The following AHNAK variants were observed in gnomAD, a reference collection of about 807,000 sequenced individuals.
AHNAK encodes the protein AHNAK nucleoprotein.
Under a neutral mutation model 37.8 loss-of-function variants are expected in AHNAK, and 23 were observed. That is an observed-to-expected ratio of 0.61 (90% CI 0.44 to 0.86). The LOEUF is 0.86. Among genes scored for constraint, AHNAK ranks in the 40% least tolerant of loss-of-function variants. The pLI, the probability that AHNAK is intolerant of heterozygous loss-of-function variation, is 0.00. For synonymous variants in AHNAK, 2,481 were observed against 2,636.3 expected, an observed-to-expected ratio of 0.94 and a Z score of 1.80; for missense variants, 7,411 against 7,319.4, an observed-to-expected ratio of 1.01 and a Z score of -0.46.
intron 5 of AHNAK, among the ~76,000 whole-genome samples, chr11:62,468,358 GAA>G (rs67985309): frequency 0.14 from 20,941 of 148,384 alleles, 4,165 homozygotes; most frequent in African/African-American, 0.45. Context: ...CCAAAAAAAA[GAA>G]AAAAAAAAAA....
intron 5 of AHNAK, among the ~76,000 whole-genome samples, chr11:62,459,728 C>T (rs1202643116): frequency 6.6e-6 from 1 of 152,160 alleles, no homozygotes; most frequent in East Asian, 1.9e-4. Flanking sequence ...TCCTGCATGT[C>T]ACAGATGAAG....
chr11:62,516,054 A>C lies in AHNAK; in HGVS notation c.*690T>G. The C allele has an allele frequency of 1.7e-6, 2 of 1,198,400 alleles. No individual in the cohort carries two copies. The highest frequency in any genetic ancestry group is 2.1e-6 in the Non-Finnish European group (2 of 945,238). 74.2% of individuals were successfully genotyped at this position (1,198,400 alleles called of 1,614,324 possible). A position where few individuals can be genotyped will look rare whatever the true frequency, so the allele number is the denominator to read the frequency against. On this transcript the variant is annotated 3_prime_UTR_variant, in exon 5 of 5. Coordinates refer to ENST00000378024, the MANE Select transcript of AHNAK (RefSeq NM_001620.3). ...TAATATCAGGAACATGGCGGCATGAAGGAAACAGTTCCCTTACAAAACACA... is the reference window on the plus strand; with the variant it reads ...TAATATCAGGAACATGGCGGCATGACGGAAACAGTTCCCTTACAAAACACA...
chr11:62,518,492 G>T lies in AHNAK; in HGVS notation c.15925C>A (p.Pro5309Thr), dbSNP rs1940107953. ...GCATCCAGGTCTCCCTTCAAACTTG[G>T]TCCTTTCAAGTTCAGATCAAGGTCA... ...GPDLDLNLKG[P>T]SLKGDLDASV... is the part of the protein sequence containing the mutation. The change falls in exon 5 of 5, where the codon CCA (proline) becomes ACA (threonine). Residue 5309 changes from proline (P) to threonine (T), a missense_variant. Physicochemically the swap from Pro to Thr is conservative, Grantham distance 38 (BLOSUM62 -1). Transcript: ENST00000378024. The T allele has an allele frequency of 1.9e-6, 3 of 1,614,056 alleles. No individual in the cohort carries two copies. Among genetic ancestry groups the T allele is most frequent in the Non-Finnish European group, 2.5e-6 (3 of 1,180,002 alleles).
At chr11:62,482,688 TC>T (rs1939299118) in intron 5 of AHNAK, among the ~76,000 whole-genome samples, 1 of 152,086 alleles carries the variant, frequency 6.6e-6, no homozygotes, top group Non-Finnish European at 1.5e-5. Context: ...GAGCATGCCA[TC>T]CCTCCCTCAT....
chr11:62,486,038 A>AAG (rs1472025994), intron 5 of AHNAK, among the ~76,000 whole-genome samples: 3 of 150,508 alleles, frequency 2.0e-5, no homozygotes, highest in Non-Finnish European at 4.4e-5. Context: ...AAAAAAAAAA[A>AAG]AGAGAGAGAG....
chr11:62,522,446 T>A lies in AHNAK; in HGVS notation c.11971A>T (p.Met3991Leu). 6.2e-7 allele frequency: 1 copy of A among 1,613,718 alleles called. No homozygotes were observed. Among genetic ancestry groups the A allele is most frequent in the Non-Finnish European group, 8.5e-7 (1 of 1,179,938 alleles). Reference sequence around the variant, plus strand: ...GGGGCTTTGATGTTCATCTCTGGCATCTTGAATTTAGGGCCCTTCAGTTTC... The same window carrying A: ...GGGGCTTTGATGTTCATCTCTGGCAACTTGAATTTAGGGCCCTTCAGTTTC... The part of the protein sequence containing the change: ...DAKLKGPKFK[M>L]PEMNIKAPKI... The change falls in exon 5 of 5, where the codon ATG becomes TTG. Residue 3991 changes from methionine to leucine, a missense_variant. Transcript: ENST00000378024.
In AHNAK at chr11:62,519,938, C is replaced by T. The variant is rs775532180; in HGVS notation, c.14479G>A (p.Gly4827Ser). The T allele has an allele frequency of 1.9e-6, 3 of 1,613,474 alleles. No homozygotes were observed. Among genetic ancestry groups the T allele is most frequent in the South Asian group, 2.2e-5 (2 of 91,054 alleles). The change falls in exon 5 of 5, where the codon GGT becomes AGT. Residue 4827 changes from glycine (G) to serine (S), a missense_variant. By Grantham distance (56) the Gly-to-Ser change is moderately conservative. Transcript: ENST00000378024. Reference sequence around the variant, plus strand: ...GGGCCCTTCAGTTTTGCGTCTGGACCTTCGATATTCACATCTGGAATATCA... The same window carrying T: ...GGGCCCTTCAGTTTTGCGTCTGGACTTTCGATATTCACATCTGGAATATCA... ...DVDIPDVNIEGPDAKLKGPKF... is the reference protein window; with the variant it reads ...DVDIPDVNIESPDAKLKGPKF...
intron 5 of AHNAK, among the ~76,000 whole-genome samples, chr11:62,473,611 G>A (rs187908594): frequency 4.5e-4 from 69 of 152,014 alleles, no homozygotes; most frequent in Non-Finnish European, 8.2e-4. Flanking sequence ...CGTGAACCTG[G>A]GAGGCAGAGC....
downstream of AHNAK, among the ~76,000 whole-genome samples, chr11:62,514,494 T>A (rs1055240131): frequency 2.6e-5 from 4 of 152,198 alleles, no homozygotes; most frequent in African/African-American, 9.7e-5. Context: ...GGGGTTTCTG[T>A]AGAAGATGGG....
rs1243557718 is a variant in AHNAK at position 62,522,314 on chromosome 11, C to T, written c.12103G>A (p.Val4035Ile). The stretch of plus-strand genomic sequence containing the variant: ...TCCACTTTGGGGCCCTTGATGTCAA[C>T]TTCAGGGGCCTTTAGATCACCTTCC... ...KMEGDLKAPE[V>I]DIKGPKVDID... is the part of the protein sequence containing the mutation. The change falls in exon 5 of 5, where the codon GTT (valine) becomes ATT (isoleucine). Residue 4035 changes from valine to isoleucine, a missense_variant. Coordinates refer to ENST00000378024, the MANE Select transcript of AHNAK (RefSeq NM_001620.3). The T allele has an allele frequency of 1.2e-6, 2 of 1,610,396 alleles. No homozygotes were observed. Among genetic ancestry groups the T allele is most frequent in the South Asian group, 1.1e-5 (1 of 90,876 alleles).
intron 1 of AHNAK, among the ~76,000 whole-genome samples, chr11:62,539,225 C>A (rs1172169691): frequency 1.3e-5 from 2 of 152,220 alleles, no homozygotes; most frequent in African/African-American, 4.8e-5. Flanking sequence ...GCCAGCCCTG[C>A]AGAAAAGCAG....
intron 4 of AHNAK, among the ~76,000 whole-genome samples, chr11:62,498,249 C>A (rs1939648155): frequency 6.6e-6 from 1 of 151,932 alleles, no homozygotes; most frequent in Non-Finnish European, 1.5e-5. Context: ...ACAGACTTGT[C>A]CAAATGCATT....
chr11:62,520,171 T>C lies in AHNAK; in HGVS notation c.14246A>G (p.Asp4749Gly). Residue 4749 changes from aspartate to glycine, a missense_variant, in exon 5 of 5, where the codon GAC becomes GGC. By Grantham distance (94) the Asp-to-Gly change is moderately conservative. Transcript: ENST00000378024. ...VDVTLPKVEG[D>G]LKGPEADIKG... ...GATGTCAGCTTCTGGGCCCTTGAGG[T>C]CACCTTCCACTTTAGGAAGGGTAAC... is the stretch of plus-strand genomic sequence containing the variant. The C allele has an allele frequency of 1.2e-6, 2 of 1,613,628 alleles. No homozygotes were observed. Among genetic ancestry groups the C allele is most frequent in the Non-Finnish European group, 1.7e-6 (2 of 1,179,928 alleles).
At chr11:62,449,684 G>C (rs141185552) in intron 5 of AHNAK, among the ~76,000 whole-genome samples, 1 of 152,314 alleles carries the variant, frequency 6.6e-6, no homozygotes, top group African/African-American at 2.4e-5. Flanking sequence ...GGGGACGCTC[G>C]TGAAAACAAA....
chr11:62,544,035 A>C (rs1941221408), intron 1 of AHNAK, among the ~76,000 whole-genome samples: 1 of 151,622 alleles, frequency 6.6e-6, no homozygotes. Flanking sequence ...CCAGAGCCCC[A>C]CACACCCCTC....
rs374393711 is a variant in AHNAK, at chr11:62,443,495, C to A, written c.443-9604G>T. Among the ~76,000 whole-genome samples, 575 of 151,596 alleles carry A rather than the reference C, an allele frequency of 3.8e-3. 2 individuals carry two copies. The highest frequency in any genetic ancestry group is 0.011 in the South Asian group (53 of 4,790). On this transcript the variant is annotated intron_variant, in intron 5 of 5. Transcript: ENST00000257247. ...CCATGTTGGTCAGGCTGGTCTCGAACTCCCAACCTCAGGTGATCTGCCTGC... is the reference window on the plus strand; with the variant it reads ...CCATGTTGGTCAGGCTGGTCTCGAAATCCCAACCTCAGGTGATCTGCCTGC...
At chr11:62,515,181 G>T (rs1939985270), downstream of AHNAK, among the ~76,000 whole-genome samples, 1 of 152,116 alleles carries the variant, frequency 6.6e-6, no homozygotes, top group Non-Finnish European at 1.5e-5. Context: ...ATAATGTTTA[G>T]CCCTAAAATG....
rs745625730 is a variant in AHNAK at position 62,528,671 on chromosome 11, G to A, written c.5746C>T (p.His1916Tyr). Residue 1916 changes from histidine to tyrosine, a missense_variant, in exon 5 of 5, where the codon CAC becomes TAC. Transcript: ENST00000378024. ...ATGGAGATCTTGGGGGCCTTGAAGT[G>A]CATGTCTGGCATCTTAAATTTAGGG... is the stretch of plus-strand genomic sequence containing the variant. ...KGPKFKMPDM[H>Y]FKAPKISMPD... 2.5e-6 allele frequency: 4 copies of A among 1,610,290 alleles called. No homozygotes were observed. The African/African-American group carries it at 5.4e-5, about 22-fold the overall frequency.
intron 5 of AHNAK, among the ~76,000 whole-genome samples, chr11:62,444,281 G>A (rs1040639488): frequency 5.9e-5 from 9 of 152,166 alleles, no homozygotes; most frequent in African/African-American, 1.4e-4. Context: ...ACCCACTGTC[G>A]GAGGAGCTTC....
Sources: allele counts gnomAD v4.1 joint callset (sites outside exome capture counted in the v4.1 genomes callset), GRCh38; gene constraint gnomAD v4.1.1; transcripts MANE v1.5; gene names NCBI Gene and HGNC (gene_info 2026-07-23, HGNC 2026-07-21).